MON2: variants seen among roughly 807,000 people sequenced by gnomAD.
The protein encoded by MON2 is MON2 regulator of endosome-to-Golgi trafficking.
MON2 carries 84 observed loss-of-function variants against 208.6 expected under a neutral mutation model. That is an observed-to-expected ratio of 0.40 (90% CI 0.34 to 0.48). MON2 has a LOEUF of 0.48. Ranked by LOEUF, MON2 falls within the 20% of genes least tolerant of loss-of-function variation. The probability of loss-of-function intolerance (pLI) is 0.59; values close to 1 mark genes in which losing one functional copy is unlikely to be tolerated. For missense variants in MON2, 1,611 were observed against 2,015.4 expected, an observed-to-expected ratio of 0.80 and a Z score of 3.84; for synonymous variants, 660 against 694.0, an observed-to-expected ratio of 0.95 and a Z score of 0.77.
At chr12:62,538,805 T>A (rs376713255) in intron 19 of MON2, among the ~76,000 whole-genome samples, 1 of 151,718 alleles carries the variant, frequency 6.6e-6, no homozygotes, top group Non-Finnish European at 1.5e-5. Flanking sequence ...ATATAAAATG[T>A]CATGATAATA....
intron 30 of MON2, among the ~76,000 whole-genome samples, chr12:62,573,036 T>A (rs2074653448): frequency 6.6e-6 from 1 of 152,224 alleles, no homozygotes; most frequent in South Asian, 2.1e-4. Context: ...AAAGTTTGTC[T>A]TATAGTTCAG....
At chr12:62,494,861 G>A (rs2070384509) in intron 3 of MON2, among the ~76,000 whole-genome samples, 155 bp from the exon 4 acceptor site, 1 of 152,136 alleles carries the variant, frequency 6.6e-6, no homozygotes, top group African/African-American at 2.4e-5. Flanking sequence ...TTACTTGAGA[G>A]ATGTGTTTGG....
rs571287138 is a variant in MON2, at chr12:62,513,989, GC to G, written c.984+5511del. On this transcript the variant is annotated intron_variant, in intron 8 of 34. Coordinates refer to ENST00000393630, the MANE Select transcript of MON2 (RefSeq NM_015026.3). ...AGAAAGAAAGAAAGAAATGCCTTCT[GC>G]CAGTTACCCTAAATCATTTCTCCCA... 6.8e-3 allele frequency among the ~76,000 whole-genome samples: 1,004 copies of G among 147,132 alleles called. 90 individuals carry two copies. Among genetic ancestry groups the G allele is most frequent in the Non-Finnish European group, 0.01 (685 of 66,158 alleles).
At chr12:62,582,523 T>C (rs2075039572) in intron 32 of MON2, among the ~76,000 whole-genome samples, 1 of 152,210 alleles carries the variant, frequency 6.6e-6, no homozygotes, top group African/African-American at 2.4e-5. Flanking sequence ...TTTTGTTTTC[T>C]TTTTGTTTCG....
At chr12:62,475,228 G>GT (rs2069004182) in intron 1 of MON2, among the ~76,000 whole-genome samples, 1 of 151,722 alleles carries the variant, frequency 6.6e-6, no homozygotes, top group African/African-American at 2.4e-5. Flanking sequence ...TGGCTTCTTT[G>GT]TTTTTTTGTT....
At chr12:62,472,568 T>C (rs562034857) in intron 1 of MON2, among the ~76,000 whole-genome samples, 1 of 152,160 alleles carries the variant, frequency 6.6e-6, no homozygotes. Context: ...TGTGATAGAG[T>C]TCCTCAGTAT....
chr12:62,537,763 A>C, intron 16 of MON2, 57 bp downstream of exon 16: 1 of 1,247,148 alleles, frequency 8.0e-7, no homozygotes, highest in East Asian at 2.3e-5. Context: ...AATTGCTAAC[A>C]GTTAGACTAA....
At chr12:62,579,236 C>T (rs906599880) in intron 31 of MON2, among the ~76,000 whole-genome samples, 1 of 149,626 alleles carries the variant, frequency 6.7e-6, no homozygotes, top group African/African-American at 2.5e-5. Context: ...AGAGCAAGAC[C>T]CTGTCTCTGA....
At chr12:62,554,333 C>G (rs901453372) in intron 24 of MON2, among the ~76,000 whole-genome samples, 1 of 152,132 alleles carries the variant, frequency 6.6e-6, no homozygotes, top group Non-Finnish European at 1.5e-5. Context: ...TTTTGAGCCA[C>G]TATTGTCAGC....
In MON2 at chr12:62,585,385, A is replaced by C. The variant is rs1166098432; in HGVS notation, c.4791A>C (p.Thr1597=). 20 of 1,613,724 alleles carry C rather than the reference A, an allele frequency of 1.2e-5. No homozygotes were observed. Among genetic ancestry groups the C allele is most frequent in the Non-Finnish European group, 1.7e-5 (20 of 1,179,758 alleles). The change falls in exon 33 of 35, where the codon ACA becomes ACC. Residue 1597 remains threonine (T), a synonymous_variant. Coordinates refer to ENST00000393630, the MANE Select transcript of MON2 (RefSeq NM_015026.3). ...LQFSFSNKVT[T]PQEGYISRMA... is the part of the protein sequence containing the mutation. ...TTTCCTTCAGTAATAAAGTCACAACACCTCAAGAAGGCTACATCTCACGAA... is the reference window on the plus strand; with the variant it reads ...TTTCCTTCAGTAATAAAGTCACAACCCCTCAAGAAGGCTACATCTCACGAA...
intron 31 of MON2, among the ~76,000 whole-genome samples, chr12:62,580,093 A>G (rs1426310333): frequency 1.3e-5 from 2 of 152,178 alleles, no homozygotes; most frequent in African/African-American, 4.8e-5. Context: ...GGTACTGACT[A>G]TTTTGTATTA....
rs530619824 is a variant in MON2 at position 62,592,543 on chromosome 12, A to G, written c.4991-43A>G. 21 of 1,499,162 alleles carry G rather than the reference A, an allele frequency of 1.4e-5. No individual in the cohort carries two copies. In the South Asian group the frequency reaches 2.7e-4, roughly 19 times the overall value. 92.9% of individuals were successfully genotyped at this position (1,499,162 alleles called of 1,614,324 possible). ...TGTTCATGTTAATTGAATAATCTCT[A>G]TTTAATTCCACCCTTTTGAGGTTTT... On this transcript the variant is annotated intron_variant, in intron 34 of 34. Transcript: ENST00000393630.
intron 28 of MON2, 114 bp downstream of exon 28, chr12:62,566,145 T>C: frequency 7.3e-7 from 1 of 1,361,158 alleles, no homozygotes; most frequent in Non-Finnish European, 1.0e-6. Context: ...AATTTTTGCC[T>C]GGCTGAAAAT....
At chr12:62,566,106 A>AT in intron 28 of MON2, 75 bp downstream of exon 28, 2 of 1,475,258 alleles carry the variant, frequency 1.4e-6, no homozygotes, top group Non-Finnish European at 1.9e-6. Flanking sequence ...TCTTGGTAGA[A>AT]TGCTGTATGT....
At chr12:62,567,045 GC>G (rs2074411250) in intron 29 of MON2, among the ~76,000 whole-genome samples, 2 of 152,104 alleles carry the variant, frequency 1.3e-5, no homozygotes, top group African/African-American at 4.8e-5. Flanking sequence ...CTTTTTTAAA[GC>G]CACTTTTTTA....
In MON2 at chr12:62,585,165, T is replaced by C. The variant is rs2075181709; in HGVS notation, c.4700-129T>C. 5 of 659,702 alleles carry C rather than the reference T, an allele frequency of 7.6e-6. No homozygotes were observed. In the South Asian group the frequency reaches 7.7e-5, roughly 10 times the overall value. The allele number at this position is 659,702 out of a possible 1,614,324, so 40.9% of individuals were successfully genotyped here. The stretch of plus-strand genomic sequence containing the variant: ...TTTTCACTATATGTATGCTATTAGC[T>C]ATAGGTTGTTCTAGGTGCCTTTCAC... On this transcript the variant is annotated intron_variant, in intron 32 of 34. Transcript: ENST00000393630.
chr12:62,575,063 T>C (rs566403024), intron 30 of MON2, among the ~76,000 whole-genome samples: 60 of 152,094 alleles, frequency 3.9e-4, no homozygotes, highest in African/African-American at 1.4e-3. Context: ...GAGGTTGAGA[T>C]TGCAGTGAGC....
intron 12 of MON2, among the ~76,000 whole-genome samples, chr12:62,534,565 ATATTT>A (rs1230618702): frequency 8.3e-6 from 1 of 120,174 alleles, no homozygotes; most frequent in East Asian, 2.2e-4. Context: ...ATATATATAT[ATATTT>A]TATATATATA....
chr12:62,490,950 T>C (rs549418060), intron 2 of MON2, among the ~76,000 whole-genome samples: 2 of 152,230 alleles, frequency 1.3e-5, no homozygotes, highest in Admixed American at 6.5e-5. Flanking sequence ...ATATGCACAG[T>C]TTTTTCACCT....
Sources: gnomAD v4.1 joint callset for allele counts (sites outside exome capture counted in the v4.1 genomes callset) on GRCh38, gnomAD v4.1.1 for gene constraint, MANE v1.5 for transcripts, NCBI Gene and HGNC (gene_info 2026-07-23, HGNC 2026-07-21) for gene names.